UBAP2: variants seen among roughly 807,000 people sequenced by gnomAD.
UBAP2 encodes the protein ubiquitin associated protein 2.
In UBAP2, 75 loss-of-function variants were observed where a neutral mutation model predicts 139.6. The ratio of observed to expected loss-of-function variants is 0.54; its 90% CI spans 0.45 to 0.65. The LOEUF (loss-of-function observed/expected upper bound fraction) is 0.65. Ranked by LOEUF, UBAP2 falls within the 30% of genes least tolerant of loss-of-function variation. UBAP2 has a pLI of 0.00. For missense variants in UBAP2, 1,368 were observed against 1,369.6 expected (o/e 1.00, Z 0.02); for synonymous variants, 526 against 526.2 (o/e 1.00, Z 0.01).
At chr9:34,041,170 G>A (rs72729357) in intron 1 of UBAP2, among the ~76,000 whole-genome samples, 12,212 of 151,878 alleles carry the variant, frequency 0.08, 712 homozygotes, top group Non-Finnish European at 0.12. Context: ...AGAAATCAAC[G>A]GGCCGGGCAC....
chr9:33,947,055 T>A (rs1219317967), intron 13 of UBAP2, among the ~76,000 whole-genome samples: 1 of 152,182 alleles, frequency 6.6e-6, no homozygotes, highest in African/African-American at 2.4e-5. Flanking sequence ...CAACATCTGC[T>A]TTCCTTCTAG....
rs186206167 is a variant in UBAP2 at position 34,037,968 on chromosome 9, C to T, written c.-42+10857G>A. Reference sequence around the variant, plus strand: ...TTGAACCCAGAAGTTGAAGACCAGCCTGTGCAATATGATGAAACCCTGTCT... The same window carrying T: ...TTGAACCCAGAAGTTGAAGACCAGCTTGTGCAATATGATGAAACCCTGTCT... On this transcript the variant is annotated intron_variant, in intron 1 of 28. Coordinates refer to ENST00000379238, the MANE Select transcript of UBAP2 (RefSeq NM_001370062.2). Among the ~76,000 whole-genome samples the T allele has an allele frequency of 2.9e-4, 41 of 143,176 alleles. No homozygotes were observed. The East Asian group carries it at 7.6e-3, about 27-fold the overall frequency. 93.9% of individuals were successfully genotyped at this position (143,176 alleles called of 152,430 possible).
chr9:33,944,274 T>A, intron 14 of UBAP2, 91 bp downstream of exon 14: 1 of 1,515,968 alleles, frequency 6.6e-7, no homozygotes, highest in East Asian at 2.3e-5. Flanking sequence ...AAAAACACTG[T>A]ACCCCAGTTT....
At chr9:34,015,108 TC>T (rs1382671818) in intron 2 of UBAP2, among the ~76,000 whole-genome samples, 3 of 152,306 alleles carry the variant, frequency 2.0e-5, no homozygotes, top group African/African-American at 7.2e-5. Context: ...CAAAGTATAG[TC>T]AAATCAATCT....
intron 2 of UBAP2, among the ~76,000 whole-genome samples, chr9:34,004,732 C>T (rs750619330): frequency 1.3e-5 from 2 of 150,626 alleles, no homozygotes; most frequent in African/African-American, 2.4e-5. Flanking sequence ...TGCAGTGAGC[C>T]GAGATAGCGC....
intron 4 of UBAP2, among the ~76,000 whole-genome samples, chr9:33,990,761 C>T (rs565844204): frequency 6.6e-6 from 1 of 151,582 alleles, no homozygotes; most frequent in Middle Eastern, 3.4e-3. Flanking sequence ...CTCAGCCTCC[C>T]GAGTAGCTGG....
At chr9:34,020,606 G>A (rs1331174079) in intron 1 of UBAP2, among the ~76,000 whole-genome samples, 4 of 150,566 alleles carry the variant, frequency 2.7e-5, no homozygotes, top group African/African-American at 4.9e-5. Context: ...GATTACAGGC[G>A]TGTGCCACTG....
At chr9:33,942,732 AAAAAAAAAAG>A (rs1417825592) in intron 15 of UBAP2, among the ~76,000 whole-genome samples, 1 of 133,926 alleles carries the variant, frequency 7.5e-6, no homozygotes, top group Non-Finnish European at 1.6e-5. Flanking sequence ...TATCTCAAAA[AAAAAAAAAAG>A]AAAAGAAAAG....
chr9:33,936,878 C>A (rs72727341), intron 16 of UBAP2, among the ~76,000 whole-genome samples: 11,565 of 136,970 alleles, frequency 0.084, 656 homozygotes, highest in Non-Finnish European at 0.12. Context: ...GAACTGCTTG[C>A]GCCCAGGAGT....
intron 2 of UBAP2, among the ~76,000 whole-genome samples, chr9:34,002,981 C>G (rs1331892516): frequency 1.3e-5 from 2 of 152,172 alleles, no homozygotes; most frequent in African/African-American, 2.4e-5. Context: ...AACCACAGTG[C>G]CCGGCCTATA....
chr9:34,034,613 G>A (rs1304181328), intron 1 of UBAP2, among the ~76,000 whole-genome samples: 2 of 152,146 alleles, frequency 1.3e-5, no homozygotes, highest in Non-Finnish European at 2.9e-5. Context: ...AGTGGCTCAC[G>A]CCTGTAATCC....
intron 6 of UBAP2, among the ~76,000 whole-genome samples, chr9:33,978,448 G>C (rs1820349596): frequency 6.6e-6 from 1 of 152,114 alleles, no homozygotes; most frequent in Non-Finnish European, 1.5e-5. Context: ...GTACTATATA[G>C]ACCGTATTCA....
chr9:33,996,104 A>G (rs2131180184), intron 4 of UBAP2, 119 bp downstream of exon 4: 2 of 695,084 alleles, frequency 2.9e-6, no homozygotes, highest in South Asian at 4.0e-5. Flanking sequence ...GGAACTTAAA[A>G]CAAATATGGA....
chr9:33,957,351 C>T (rs1196010851), intron 10 of UBAP2, among the ~76,000 whole-genome samples: 3 of 152,256 alleles, frequency 2.0e-5, no homozygotes, highest in Non-Finnish European at 4.4e-5. Context: ...ACAATTAGGA[C>T]GGTGAACATA....
At chr9:34,047,508 G>A (rs1827712509) in intron 1 of UBAP2, among the ~76,000 whole-genome samples, 1 of 152,068 alleles carries the variant, frequency 6.6e-6, no homozygotes, top group Admixed American at 6.6e-5. Context: ...TCACAAACTG[G>A]CACTAAAACG....
intron 4 of UBAP2, among the ~76,000 whole-genome samples, chr9:33,991,182 A>AGAGCTGTAATCCCAGCTCTCCT (rs1407760776): frequency 5.3e-5 from 8 of 152,142 alleles, no homozygotes; most frequent in African/African-American, 1.9e-4. Context: ...GCTACTCAGG[A>AGAGCTGTAATCCCAGCTCTCCT]GGCTGAGGCA....
chr9:34,014,370 C>T (rs1193608915), intron 2 of UBAP2, among the ~76,000 whole-genome samples: 1 of 147,388 alleles, frequency 6.8e-6, no homozygotes, highest in East Asian at 2.0e-4. Flanking sequence ...GTGGCTCACG[C>T]CTATAATCAC....
chr9:33,984,016 G>C (rs1202962215), intron 6 of UBAP2, among the ~76,000 whole-genome samples: 3 of 151,952 alleles, frequency 2.0e-5, no homozygotes, highest in Non-Finnish European at 2.9e-5. Flanking sequence ...CAGTTCTCGT[G>C]CCTCAGCGTC....
chr9:34,019,420 C>T (rs898472615), intron 1 of UBAP2, among the ~76,000 whole-genome samples: 13 of 151,672 alleles, frequency 8.6e-5, no homozygotes, highest in Non-Finnish European at 1.6e-4. Context: ...TAAAAAAAAA[C>T]GGACAAATAC....
Sources: gnomAD v4.1 joint callset for allele counts (sites outside exome capture counted in the v4.1 genomes callset) on GRCh38, gnomAD v4.1.1 for gene constraint, MANE v1.5 for transcripts, NCBI Gene and HGNC (gene_info 2026-07-23, HGNC 2026-07-21) for gene names.